PLXND1: variants seen among roughly 807,000 people sequenced by gnomAD.
PLXND1 encodes plexin-D1.
PLXND1 carries 54 observed loss-of-function variants against 197.7 expected under a neutral mutation model. The observed-to-expected ratio is 0.27, with a 90% confidence interval of 0.22 to 0.34. The LOEUF is 0.34. Among genes scored for constraint, PLXND1 ranks in the 10% least tolerant of loss-of-function variants. The probability of loss-of-function intolerance (pLI) is 1.00; values close to 1 mark genes in which losing one functional copy is unlikely to be tolerated. For missense variants in PLXND1, 2,127 were observed against 2,699.2 expected (o/e 0.79, Z 4.70); for synonymous variants, 1,180 against 1,161.2 (o/e 1.02, Z -0.33).
chr3:129,567,136 A>C (rs2085152204), intron 22 of PLXND1, among the ~76,000 whole-genome samples: 1 of 151,970 alleles, frequency 6.6e-6, no homozygotes, highest in Non-Finnish European at 1.5e-5. Flanking sequence ...TGTAGAGACC[A>C]AGGGAAGCCT....
In PLXND1 at chr3:129,557,045, T is replaced by A. The variant is rs1308052774; in HGVS notation, c.5586+38A>T. The A allele has an allele frequency of 1.6e-5, 26 of 1,604,134 alleles. No homozygotes were observed. Among genetic ancestry groups the A allele is most frequent in the Non-Finnish European group, 2.2e-5 (26 of 1,175,006 alleles). On this transcript the variant is annotated intron_variant, in intron 34 of 35. Transcript: ENST00000324093. The surrounding 1 kb of genome is among the most constrained non-coding windows in gnomAD (Gnocchi z 4.8). ...AGCCCCCGACCCCCGATCCCTCAGC[T>A]CTTCAGGCCCCCATCCCCCGCCGCC...
chr3:129,582,249 T>C (rs955155987), intron 8 of PLXND1, among the ~76,000 whole-genome samples: 1 of 152,244 alleles, frequency 6.6e-6, no homozygotes, highest in Non-Finnish European at 1.5e-5. Flanking sequence ...TGGGGCCCCC[T>C]CCTTAGCAAC....
chr3:129,587,186 G>A (rs773236903), intron 2 of PLXND1, among the ~76,000 whole-genome samples: 11 of 152,168 alleles, frequency 7.2e-5, no homozygotes, highest in Admixed American at 3.9e-4. Flanking sequence ...GGTCAGGCCC[G>A]GGGAAGCTGC....
At position 129,588,884 on chromosome 3, in the gene PLXND1, G is replaced by C. The variant is rs2811455; in HGVS notation, c.1488+467C>G. Among the ~76,000 whole-genome samples the C allele has an allele frequency of 3.3e-3, 507 of 152,336 alleles. 2 individuals carry two copies. The highest frequency in any genetic ancestry group is 6.8e-3 in the Middle Eastern group (2 of 292). ...CTAGACACCAGTCACCCTGGGACGG[G>C]GTGGCTGGCAGGGCTGGGGAGGAGA... On this transcript the variant is annotated intron_variant, in intron 2 of 35. Transcript: ENST00000324093.
intron 8 of PLXND1, among the ~76,000 whole-genome samples, chr3:129,581,377 T>C (rs1280907608): frequency 6.6e-6 from 1 of 152,144 alleles, no homozygotes; most frequent in Non-Finnish European, 1.5e-5. Flanking sequence ...GGGACAGCCA[T>C]CTGACAGGAC....
chr3:129,574,297 G>A (rs565247936), intron 12 of PLXND1, 39 bp downstream of exon 12: 27 of 1,543,538 alleles, frequency 1.7e-5, no homozygotes, highest in South Asian at 2.4e-5. Flanking sequence ...GCGCCGTGCC[G>A]GAGTGCGGGT....
At chr3:129,574,249 G>A (rs1294936823) in intron 12 of PLXND1, 87 bp downstream of exon 12, 2 of 1,289,228 alleles carry the variant, frequency 1.6e-6, no homozygotes, top group African/African-American at 1.5e-5. Context: ...GTGCCGTTTG[G>A]GTCCCCAAGA....
chr3:129,600,001 G>C (rs2085684351), intron 1 of PLXND1, among the ~76,000 whole-genome samples: 1 of 152,234 alleles, frequency 6.6e-6, no homozygotes, highest in Non-Finnish European at 1.5e-5. Context: ...CAGCCATGAG[G>C]TCAACCATGT....
intron 32 of PLXND1, 155 bp downstream of exon 32, chr3:129,559,465 G>A: frequency 1.6e-6 from 1 of 611,072 alleles, no homozygotes; most frequent in Non-Finnish European, 2.9e-6. Flanking sequence ...CTGAAGCACA[G>A]AGAGGCTAAG....
intron 1 of PLXND1, chr3:129,591,225 CG>C (rs2108796873): frequency 6.6e-6 from 1 of 152,332 alleles, no homozygotes; most frequent in South Asian, 2.1e-4. Context: ...AGGATGACGG[CG>C]GGTGACCCAG....
intron 9 of PLXND1, among the ~76,000 whole-genome samples, chr3:129,576,092 A>G (rs144500689): frequency 6.6e-6 from 1 of 152,332 alleles, no homozygotes; most frequent in African/African-American, 2.4e-5. Context: ...TGCGCTCAGC[A>G]CCACTAAAAG....
rs1393030164 is a variant in PLXND1, at chr3:129,573,679, G to A, written c.2752C>T (p.Arg918Trp). ...CCGTGGGCCACGTCACTGAGCCGCC[G>A]GCCCAGGTTCCTTCCTCGGATGGTC... The part of the protein sequence containing the change: ...LLTIRGRNLG[R>W]RLSDVAHGVW... The change falls in exon 13 of 36, where the codon CGG becomes TGG. Residue 918 changes from arginine to tryptophan, a missense_variant. Coordinates refer to ENST00000324093, the MANE Select transcript of PLXND1 (RefSeq NM_015103.3). The A allele has an allele frequency of 2.5e-6, 4 of 1,613,722 alleles. No individual in the cohort carries two copies. The highest frequency in any genetic ancestry group is 3.4e-6 in the Non-Finnish European group (4 of 1,180,022).
intron 5 of PLXND1, 80 bp from the exon 6 acceptor site, chr3:129,584,642 G>A: frequency 2.2e-6 from 3 of 1,364,176 alleles, no homozygotes; most frequent in Non-Finnish European, 3.0e-6. Flanking sequence ...ACCAACCCAA[G>A]GTCTGGCACT....
In PLXND1 at chr3:129,560,728, G is replaced by T; in HGVS notation, c.4994-5C>A. The T allele has an allele frequency of 6.4e-7, 1 of 1,570,302 alleles. No individual in the cohort carries two copies. The highest frequency in any genetic ancestry group is 8.8e-7 in the Non-Finnish European group (1 of 1,140,890). ...TCTCTGTGTCCAAGTCTTTCACTGT[G>T]AGAGGAAAAACACAATAAATAAACA... On this transcript the variant is annotated splice_polypyrimidine_tract_variant and splice_region_variant and intron_variant, in intron 29 of 35. Transcript: ENST00000324093.
At chr3:129,605,150 T>G (rs772375559) in intron 1 of PLXND1, among the ~76,000 whole-genome samples, 179 bp downstream of exon 1, 1 of 152,080 alleles carries the variant, frequency 6.6e-6, no homozygotes. Flanking sequence ...CAGGCGCCAG[T>G]AGTACCCCTC....
intron 25 of PLXND1, 26 bp downstream of exon 25, chr3:129,565,314 C>G: frequency 6.3e-7 from 1 of 1,599,218 alleles, no homozygotes; most frequent in Non-Finnish European, 8.6e-7. Flanking sequence ...CCCGCCTGGG[C>G]TCTGTCTGTC....
chr3:129,572,528 G>T, intron 15 of PLXND1, 81 bp downstream of exon 15: 1 of 1,269,290 alleles, frequency 7.9e-7, no homozygotes, highest in Non-Finnish European at 1.1e-6. Context: ...CTTGGCTCAA[G>T]GATGTCACCT....
Position 129,565,939 on chromosome 3 carries a change from T to C in PLXND1, c.4270A>G (p.Ile1424Val). 9.9e-6 allele frequency: 16 copies of C among 1,614,168 alleles called. No individual in the cohort carries two copies. Among genetic ancestry groups the C allele is most frequent in the Non-Finnish European group, 1.4e-5 (16 of 1,179,988 alleles). ...SSLLNNKHFL[I>V]VFVHALEQQK... ...TGCTCCAGCGCGTGGACAAAGACGA[T>C]GAGGAAGTGCTTGTTGTTGAGTAGT... is the stretch of plus-strand genomic sequence containing the variant. The change falls in exon 24 of 36, where the codon ATC becomes GTC. Residue 1424 changes from isoleucine (I) to valine (V), a missense_variant. Physicochemically the swap from Ile to Val is conservative, Grantham distance 29. This residue lies in a region of PLXND1 where 532 missense variants were observed against 811.0 expected (regional missense o/e 0.66). Coordinates refer to ENST00000324093, the MANE Select transcript of PLXND1 (RefSeq NM_015103.3).
intron 1 of PLXND1, among the ~76,000 whole-genome samples, chr3:129,595,362 G>A (rs2085604670): frequency 6.6e-6 from 1 of 152,236 alleles, no homozygotes; most frequent in African/African-American, 2.4e-5. Context: ...GGTCCTGGGT[G>A]GCCTCTGGCA....
Sources: gnomAD v4.1 joint callset for allele counts (sites outside exome capture counted in the v4.1 genomes callset) on GRCh38, gnomAD v4.1.1 for gene constraint, gnomAD v4.1.1 regional missense constraint, Gnocchi (gnomAD v3.1) non-coding constraint, MANE v1.5 for transcripts, NCBI Gene and HGNC (gene_info 2026-07-23, HGNC 2026-07-21) for gene names.